GBA1: variants seen among roughly 807,000 people sequenced by gnomAD.
The protein encoded by GBA1 is lysosomal acid glucosylceramidase.
the GBA1 span, chr1:155,240,033 C>T: frequency 6.2e-7 from 1 of 1,614,006 alleles, no homozygotes; most frequent in Non-Finnish European, 8.5e-7. Flanking sequence ...CAGACACACA[C>T]CACCGAGCTG....
At chr1:155,235,452 T>C in the GBA1 span, 5 of 1,409,110 alleles carry the variant, frequency 3.5e-6, no homozygotes, top group Middle Eastern at 4.7e-4. Context: ...GCCATGCTGC[T>C]GGGCACTGAC....
chr1:155,239,590 T>G, the GBA1 span: 2 of 1,613,882 alleles, frequency 1.2e-6, no homozygotes, highest in Admixed American at 3.3e-5. Context: ...AATGGCTCTA[T>G]GTCATCTTGT....
chr1:155,238,734 G>C, the GBA1 span: 8 of 1,607,520 alleles, frequency 5.0e-6, no homozygotes, highest in Non-Finnish European at 6.8e-6. Context: ...AGTCCTAATA[G>C]TGTCTGAGTC....
At chr1:155,242,766 T>C in the GBA1 span, among the ~76,000 whole-genome samples, 6 of 151,902 alleles carry the variant, frequency 3.9e-5, no homozygotes, top group Non-Finnish European at 7.4e-5. Flanking sequence ...CTAATTTTTG[T>C]ATTTTTAGTA....
chr1:155,237,411 C>T, the GBA1 span: 1 of 1,614,002 alleles, frequency 6.2e-7, no homozygotes, highest in Non-Finnish European at 8.5e-7. Flanking sequence ...GTGGTGAGTA[C>T]TGTTGGCGAG....
At chr1:155,239,525 G>C in the GBA1 span, 2 of 1,373,328 alleles carry the variant, frequency 1.5e-6, no homozygotes, top group Admixed American at 3.8e-5. Flanking sequence ...AATGGGCAGA[G>C]TGAGATTCTG....
chr1:155,235,238 G>A, the GBA1 span: 6 of 1,613,784 alleles, frequency 3.7e-6, no homozygotes, highest in Admixed American at 6.7e-5. Context: ...GGATGCATCA[G>A]TGCCACTGCG....
the GBA1 span, chr1:155,241,093 G>T: frequency 3.7e-6 from 6 of 1,613,872 alleles, no homozygotes; most frequent in Non-Finnish European, 5.1e-6. Context: ...TACCTCTCTG[G>T]AAGGACTTGA....
chr1:155,239,904 C>T, the GBA1 span: 4 of 1,614,072 alleles, frequency 2.5e-6, 1 homozygote, highest in South Asian at 3.3e-5. Flanking sequence ...GTGTGATTAG[C>T]CTGGATGGGC....
chr1:155,239,550 T>TA, the GBA1 span: 1 of 1,585,188 alleles, frequency 6.3e-7, no homozygotes, highest in Admixed American at 1.7e-5. Flanking sequence ...AAAAAAATTT[T>TA]AAAAAAAGAA....
chr1:155,239,972 C>T, the GBA1 span: 1 of 1,614,050 alleles, frequency 6.2e-7, no homozygotes, highest in South Asian at 1.1e-5. Flanking sequence ...GCTGAAGGTA[C>T]CAAGGGCAGG....
At chr1:155,237,609 C>A in the GBA1 span, 5 of 1,611,932 alleles carry the variant, frequency 3.1e-6, no homozygotes, top group Non-Finnish European at 3.4e-6. Context: ...AATGATCCGG[C>A]CAAGAAAGTG....
the GBA1 span, chr1:155,237,948 C>T: frequency 1.7e-5 from 12 of 697,686 alleles, no homozygotes; most frequent in African/African-American, 1.1e-4. Flanking sequence ...TGGGCCAGAC[C>T]GAGAGAACAG....
the GBA1 span, chr1:155,235,351 C>G: frequency 2.5e-6 from 4 of 1,603,582 alleles, no homozygotes; most frequent in Non-Finnish European, 3.4e-6. Flanking sequence ...CTCGGGGTAC[C>G]TCCCATGAAA....
At chr1:155,239,632 C>G in the GBA1 span, 1 of 1,614,136 alleles carries the variant, frequency 6.2e-7, no homozygotes, top group African/African-American at 1.3e-5. Flanking sequence ...CAGAGAAGTA[C>G]GATTTAAGTA....
chr1:155,239,906 T>C, the GBA1 span: 1 of 1,614,100 alleles, frequency 6.2e-7, no homozygotes, highest in Non-Finnish European at 8.5e-7. Context: ...GTGATTAGCC[T>C]GGATGGGCCC....
the GBA1 span, among the ~76,000 whole-genome samples, chr1:155,236,941 C>G: frequency 1.3e-5 from 2 of 151,820 alleles, no homozygotes; most frequent in African/African-American, 4.8e-5. Context: ...CTCGGCTCAC[C>G]GCAACCACCA....
chr1:155,237,566 G>A, the GBA1 span: 1 of 1,613,652 alleles, frequency 6.2e-7, no homozygotes, highest in Non-Finnish European at 8.5e-7. Flanking sequence ...GCTCAGCATA[G>A]GCATCCAGGA....
At chr1:155,240,109 T>C in the GBA1 span, 1 of 1,588,134 alleles carries the variant, frequency 6.3e-7, no homozygotes, top group Non-Finnish European at 8.6e-7. Flanking sequence ...CAGAGTGAGG[T>C]CTGATGAAGA....
Sources: gnomAD v4.1 joint callset for allele counts (sites outside exome capture counted in the v4.1 genomes callset) on GRCh38, gnomAD v4.1.1 for gene constraint, MANE v1.5 for transcripts, NCBI Gene and HGNC (gene_info 2026-07-23, HGNC 2026-07-21) for gene names.